Variants in CDYL observed in about 807,000 individuals in gnomAD.
CDYL encodes chromodomain Y-like protein.
CDYL carries 8 observed loss-of-function variants against 47.3 expected under a neutral mutation model. That is an observed-to-expected ratio of 0.17 (90% CI 0.10 to 0.31). The LOEUF is 0.31. Among genes scored for constraint, CDYL ranks in the 10% least tolerant of loss-of-function variants. The probability of loss-of-function intolerance (pLI) is 1.00; values close to 1 mark genes in which losing one functional copy is unlikely to be tolerated. For missense variants in CDYL, 471 were observed against 701.4 expected, an observed-to-expected ratio of 0.67 and a Z score of 3.71; for synonymous variants, 266 against 265.0, an observed-to-expected ratio of 1.00 and a Z score of -0.04.
At chr6:4,749,281 T>TTGGATGGATGGATGGATGGATGGA (rs1375618138) in intron 3 of CDYL, among the ~76,000 whole-genome samples, 4 of 147,396 alleles carry the variant, frequency 2.7e-5, no homozygotes, top group African/African-American at 1.0e-4. Context: ...TAGGGTTTTG[T>TTGGATGGATGGATGGATGGATGGA]TGGATGGATG....
At chr6:4,778,438 T>C (rs572813381) in intron 1 of CDYL, among the ~76,000 whole-genome samples, 59 of 152,356 alleles carry the variant, frequency 3.9e-4, no homozygotes, top group African/African-American at 1.3e-3. Flanking sequence ...CTGTGCTTAT[T>C]CTATATCTTC....
chr6:4,883,240 A>G (rs808624), intron 1 of CDYL, among the ~76,000 whole-genome samples: 3,431 of 152,232 alleles, frequency 0.023, 128 homozygotes, highest in African/African-American at 0.078. Context: ...ACCTTGGGAA[A>G]TTCTGGGACA....
At position 4,873,935 on chromosome 6, in the gene CDYL, A is replaced by G. The variant is rs75225146; in HGVS notation, c.25-17778A>G. 7.2e-4 allele frequency among the ~76,000 whole-genome samples: 109 copies of G among 152,236 alleles called. 3 individuals carry two copies. The East Asian group carries it at 0.02, about 28-fold the overall frequency. On this transcript the variant is annotated intron_variant, in intron 1 of 6. Transcript: ENST00000397588. ...GCCTTCTGCCTGTCTGTACCTGGGT[A>G]CACATGTGCGTGTCTTTTGAGCCCC...
chr6:4,804,721 G>A (rs1759322136), intron 1 of CDYL, among the ~76,000 whole-genome samples: 1 of 152,198 alleles, frequency 6.6e-6, no homozygotes, highest in Non-Finnish European at 1.5e-5. Context: ...GTCCGTCTGG[G>A]TCCATTCTCC....
At chr6:4,917,071 A>G (rs544762134) in intron 2 of CDYL, among the ~76,000 whole-genome samples, 3 of 152,304 alleles carry the variant, frequency 2.0e-5, no homozygotes, top group East Asian at 1.9e-4. Flanking sequence ...GCTTTTCTGT[A>G]CTTTGTGGAT....
Position 4,873,798 on chromosome 6 carries a change from C to T in CDYL, c.25-17915C>T, listed in dbSNP as rs547775285. 1.1e-3 allele frequency among the ~76,000 whole-genome samples: 164 copies of T among 152,236 alleles called. 1 individual carries two copies. The highest frequency in any genetic ancestry group is 2.1e-3 in the Non-Finnish European group (143 of 68,010). ...GACATGTTTTATTGTGAATAGGCTC[C>T]GAGAGCCTGGTTTGAAACCGCCAAG... is the stretch of plus-strand genomic sequence containing the variant. On this transcript the variant is annotated intron_variant, in intron 1 of 6. Transcript: ENST00000397588.
At chr6:4,950,330 A>G (rs2793262) in intron 5 of CDYL, among the ~76,000 whole-genome samples, 146,019 of 152,274 alleles carry the variant, frequency 0.96, 70,310 homozygotes, top group East Asian at 1. Context: ...CTAAGGCTCC[A>G]CTAAGCTGGT....
intron 4 of CDYL, among the ~76,000 whole-genome samples, chr6:4,942,283 TACACAC>T (rs1758381794): frequency 6.6e-6 from 1 of 152,048 alleles, no homozygotes; most frequent in Non-Finnish European, 1.5e-5. Flanking sequence ...CTCCTGTTCA[TACACAC>T]ACAGACACAA....
At chr6:4,714,178 C>G (rs1757209776) in intron 1 of CDYL, 1 of 151,652 alleles carries the variant, frequency 6.6e-6, no homozygotes, top group African/African-American at 2.4e-5. Flanking sequence ...GATAGACTGA[C>G]TCCACAGTCC....
At chr6:4,726,523 C>T in intron 2 of CDYL, among the ~76,000 whole-genome samples, 1 of 135,296 alleles carries the variant, frequency 7.4e-6, no homozygotes, top group African/African-American at 2.9e-5. Flanking sequence ...CAGGGCGAGA[C>T]TCTGTCTCAA....
At chr6:4,718,993 G>A (rs746503156) in intron 2 of CDYL, among the ~76,000 whole-genome samples, 25 of 150,802 alleles carry the variant, frequency 1.7e-4, no homozygotes, top group African/African-American at 1.5e-4. Context: ...TAACAATCTC[G>A]GCTCACTGCA....
chr6:4,953,610 C>T (rs777034886), intron 6 of CDYL, among the ~76,000 whole-genome samples: 1 of 152,332 alleles, frequency 6.6e-6, no homozygotes, highest in Admixed American at 6.5e-5. Flanking sequence ...CGGGGGTCCA[C>T]GCCAGTATGC....
chr6:4,734,826 G>A (rs1440010303), exon 3 of CDYL: 7 of 1,614,048 alleles, frequency 4.3e-6, no homozygotes, highest in Non-Finnish European at 5.9e-6. Context: ...GCGGGGCACA[G>A]CAGCCTCCCG....
At chr6:4,834,524 A>G (rs1462696457) in intron 1 of CDYL, among the ~76,000 whole-genome samples, 4 of 148,306 alleles carry the variant, frequency 2.7e-5, no homozygotes, top group East Asian at 3.9e-4. Flanking sequence ...CTTCATTTCA[A>G]CTTTGGTGAA....
chr6:4,862,225 A>G (rs1345955538), intron 1 of CDYL, among the ~76,000 whole-genome samples: 2 of 152,230 alleles, frequency 1.3e-5, no homozygotes, highest in African/African-American at 4.8e-5. Context: ...ATCCCCTGGC[A>G]TAGTCTGTAG....
intron 3 of CDYL, among the ~76,000 whole-genome samples, chr6:4,735,521 T>A (rs750989464): frequency 9.2e-5 from 14 of 152,098 alleles, no homozygotes; most frequent in Non-Finnish European, 1.6e-4. Context: ...CCTAGCCCTT[T>A]GGGAGGCCTA....
intron 2 of CDYL, among the ~76,000 whole-genome samples, chr6:4,897,161 G>A (rs1485413857): frequency 3.3e-5 from 5 of 152,156 alleles, no homozygotes; most frequent in South Asian, 2.1e-4. Context: ...CTGGATTATC[G>A]TAACTTTGTC....
At position 4,869,995 on chromosome 6, in the gene CDYL, G is replaced by A. The variant is rs556559653; in HGVS notation, c.25-21718G>A. On this transcript the variant is annotated intron_variant, in intron 1 of 6. Transcript: ENST00000397588. The stretch of plus-strand genomic sequence containing the variant: ...TTCTGTCAGGCAGCTCTGTTGACAA[G>A]AGATTTTCATTTATTTGGGAATATC... Among the ~76,000 whole-genome samples the A allele has an allele frequency of 3.3e-5, 5 of 152,270 alleles. No homozygotes were observed. In the South Asian group the frequency reaches 1.0e-3, roughly 32 times the overall value.
chr6:4,843,807 G>C (rs564247753), intron 1 of CDYL, among the ~76,000 whole-genome samples: 1 of 152,198 alleles, frequency 6.6e-6, no homozygotes, highest in South Asian at 2.1e-4. Context: ...TAATCGACCT[G>C]CTGAATTCTT....
Sources: allele counts gnomAD v4.1 joint callset (sites outside exome capture counted in the v4.1 genomes callset), GRCh38; gene constraint gnomAD v4.1.1; transcripts MANE v1.5; gene names NCBI Gene and HGNC (gene_info 2026-07-23, HGNC 2026-07-21).